Variants in P2RY12 observed in about 807,000 individuals in gnomAD.
P2RY12 encodes the protein purinergic receptor P2Y12.
A neutral mutation model predicts 4.5 loss-of-function variants in P2RY12; 3 were observed. The observed-to-expected ratio is 0.67, with a 90% CI of 0.31 to 1.74. The LOEUF (loss-of-function observed/expected upper bound fraction) is 1.74. Ranked by LOEUF, P2RY12 falls within the 40% of genes most tolerant of loss-of-function variation. The probability of loss-of-function intolerance (pLI) is 0.09; values close to 1 mark genes in which losing one functional copy is unlikely to be tolerated. For missense variants in P2RY12, 356 were observed against 407.8 expected, an observed-to-expected ratio of 0.87 and a Z score of 1.09; for synonymous variants, 148 against 154.1, an observed-to-expected ratio of 0.96 and a Z score of 0.29.
rs999610071 is a variant in P2RY12, at chr3:151,372,422, TTC to T, written c.-180+12268_-180+12269del. On this transcript the variant is annotated intron_variant, in intron 1 of 2. Transcript: ENST00000302632. ...TTCATGCATTTATGCTCTTGATCCA[TTC>T]TCTCTATTCCTGAACAACTGGCTAT... 7.0e-5 allele frequency: 44 copies of T among 627,656 alleles called. No homozygotes were observed. In the Admixed American group the frequency reaches 1.2e-3, roughly 17 times the overall value. 38.9% of individuals were successfully genotyped at this position (627,656 alleles called of 1,614,324 possible). A position where few individuals can be genotyped will look rare whatever the true frequency, so the allele number is the denominator to read the frequency against.
At chr3:151,377,843 G>T (rs1042110630) in intron 1 of P2RY12, among the ~76,000 whole-genome samples, 4 of 152,168 alleles carry the variant, frequency 2.6e-5, no homozygotes, top group Non-Finnish European at 5.9e-5. Flanking sequence ...GAAAGCTCAT[G>T]CAAATGTCTA....
chr3:151,344,129 A>G (rs1388289358), intron 1 of P2RY12, among the ~76,000 whole-genome samples: 1 of 152,006 alleles, frequency 6.6e-6, no homozygotes, highest in Non-Finnish European at 1.5e-5. Context: ...TAGTTATCTG[A>G]CATCCCAGTC....
At chr3:151,351,573 C>T (rs942620035) in intron 1 of P2RY12, among the ~76,000 whole-genome samples, 2 of 152,066 alleles carry the variant, frequency 1.3e-5, no homozygotes, top group Admixed American at 6.5e-5. Flanking sequence ...TTTTCTCTGT[C>T]TTAGAGAAAA....
At chr3:151,363,148 A>G (rs1345651122) in intron 1 of P2RY12, among the ~76,000 whole-genome samples, 1 of 152,060 alleles carries the variant, frequency 6.6e-6, no homozygotes, top group East Asian at 1.9e-4. Flanking sequence ...TAGAGTAATT[A>G]CTCAGGGGTC....
intron 1 of P2RY12, chr3:151,355,979 C>G (rs754468023): frequency 1.2e-6 from 2 of 1,614,120 alleles, no homozygotes; most frequent in East Asian, 2.2e-5. Context: ...ACATTCAGCT[C>G]ATCTTTGATC....
intron 1 of P2RY12, among the ~76,000 whole-genome samples, chr3:151,359,783 G>A (rs140560579): frequency 1.3e-5 from 2 of 152,226 alleles, no homozygotes; most frequent in Non-Finnish European, 2.9e-5. Flanking sequence ...AGATGGTGAT[G>A]GAATCAGATG....
intron 1 of P2RY12, among the ~76,000 whole-genome samples, chr3:151,381,971 G>A (rs1375929824): frequency 6.6e-6 from 1 of 152,108 alleles, no homozygotes; most frequent in Non-Finnish European, 1.5e-5. Flanking sequence ...TTTGTTAGTG[G>A]TTTTTTGTTT....
At chr3:151,370,816 A>C (rs1215410852) in intron 1 of P2RY12, among the ~76,000 whole-genome samples, 2 of 152,232 alleles carry the variant, frequency 1.3e-5, no homozygotes, top group African/African-American at 4.8e-5. Flanking sequence ...TATAAATGAC[A>C]AATATGCTAA....
intron 1 of P2RY12, chr3:151,377,923 AT>A: frequency 2.3e-6 from 3 of 1,323,108 alleles, no homozygotes; most frequent in Non-Finnish European, 3.1e-6. Flanking sequence ...TGTCTCATAC[AT>A]CAAAGTTTCG....
At chr3:151,347,992 T>C (rs577392917) in intron 1 of P2RY12, among the ~76,000 whole-genome samples, 1 of 152,282 alleles carries the variant, frequency 6.6e-6, no homozygotes, top group South Asian at 2.1e-4. Context: ...CACGTGGCTC[T>C]TTCTAGGATG....
intron 1 of P2RY12, among the ~76,000 whole-genome samples, chr3:151,360,137 G>A (rs2150074376): frequency 6.6e-6 from 1 of 152,228 alleles, no homozygotes; most frequent in East Asian, 1.9e-4. Flanking sequence ...AATCTGCGGA[G>A]GCAGGGGCTC....
rs901280093 is a variant in P2RY12 at position 151,339,272 on chromosome 3, A to G, written c.-14-413T>C. Reference sequence around the variant, plus strand: ...CTATTCACAGTCACTTTTCCCCCCAACGTCCTTATTTCTGAGCTTCTTTTA... The same window carrying G: ...CTATTCACAGTCACTTTTCCCCCCAGCGTCCTTATTTCTGAGCTTCTTTTA... On this transcript the variant is annotated intron_variant, in intron 2 of 2. Coordinates refer to ENST00000302632, the MANE Select transcript of P2RY12 (RefSeq NM_022788.5). 2.6e-5 allele frequency among the ~76,000 whole-genome samples: 4 copies of G among 152,048 alleles called. No individual in the cohort carries two copies. In the East Asian group the frequency reaches 5.8e-4, roughly 22 times the overall value.
intron 2 of P2RY12, 86 bp from the exon 3 acceptor site, chr3:151,338,945 GCCT>G (rs1751423905): frequency 1.7e-6 from 2 of 1,183,270 alleles, no homozygotes; most frequent in Non-Finnish European, 2.5e-6. Flanking sequence ...TTTGGACACA[GCCT>G]CCTCTAAAAG....
chr3:151,377,380 A>G (rs983360201), intron 1 of P2RY12, among the ~76,000 whole-genome samples: 9 of 152,186 alleles, frequency 5.9e-5, no homozygotes, highest in Admixed American at 1.3e-4. Context: ...AGGCTTAAAC[A>G]CCTTGAAACT....
At chr3:151,366,974 G>C (rs1219502309) in intron 1 of P2RY12, among the ~76,000 whole-genome samples, 1 of 152,144 alleles carries the variant, frequency 6.6e-6, no homozygotes, top group African/African-American at 2.4e-5. Flanking sequence ...ATTTTTGCAA[G>C]TTAACCATAG....
chr3:151,383,956 G>C, intron 1 of P2RY12: 1 of 1,498,346 alleles, frequency 6.7e-7, no homozygotes, highest in Admixed American at 1.9e-5. Flanking sequence ...ATATACTGAT[G>C]GCGATTTCTG....
At chr3:151,357,466 T>TGGCTC in intron 1 of P2RY12, 1 of 1,142,120 alleles carries the variant, frequency 8.8e-7, no homozygotes, top group Non-Finnish European at 1.2e-6. Flanking sequence ...AGAAAAATAG[T>TGGCTC]ACTGATACCT....
At position 151,338,144 on chromosome 3, in the gene P2RY12, C is replaced by T. The variant is rs750038818; in HGVS notation, c.702G>A (p.Val234=). ...CAATGATAATGAAAACTTTGACGTT[C>T]ACCTTTTTCCTGGGGACTTTACCTA... ...RGVGKVPRKK[V]NVKVFIIIAV... The change falls in exon 3 of 3, where the codon GTG becomes GTA. Residue 234 remains valine, a synonymous_variant. Transcript: ENST00000302632. The T allele has an allele frequency of 6.8e-6, 11 of 1,613,888 alleles. No homozygotes were observed. The highest frequency in any genetic ancestry group is 9.3e-6 in the Non-Finnish European group (11 of 1,180,004).
intron 1 of P2RY12, among the ~76,000 whole-genome samples, chr3:151,361,280 C>A (rs73008503): frequency 0.027 from 4,038 of 152,072 alleles, 170 homozygotes; most frequent in African/African-American, 0.093. Context: ...GTAACTTTTT[C>A]ATGTGTTAAT....
Sources: gnomAD v4.1 joint callset for allele counts (sites outside exome capture counted in the v4.1 genomes callset) on GRCh38, gnomAD v4.1.1 for gene constraint, MANE v1.5 for transcripts, NCBI Gene and HGNC (gene_info 2026-07-23, HGNC 2026-07-21) for gene names.